Variants in TIMP2 observed in about 807,000 individuals in gnomAD.
The protein encoded by TIMP2 is TIMP metallopeptidase inhibitor 2, also known as metalloproteinase inhibitor 2.
In TIMP2, 5 loss-of-function variants were observed where a neutral mutation model predicts 24.3. That is an observed-to-expected ratio of 0.21 (90% CI 0.11 to 0.43). The LOEUF is 0.43. TIMP2 is among the 20% of genes least tolerant of loss of function. The probability of loss-of-function intolerance (pLI) is 1.00; values close to 1 mark genes in which losing one functional copy is unlikely to be tolerated. For missense variants in TIMP2, 221 were observed against 297.5 expected, an observed-to-expected ratio of 0.74 and a Z score of 1.89; for synonymous variants, 130 against 123.2, an observed-to-expected ratio of 1.06 and a Z score of -0.37.
intron 1 of TIMP2, among the ~76,000 whole-genome samples, chr17:78,890,393 G>C (rs1471962753): frequency 6.6e-6 from 1 of 152,082 alleles, no homozygotes; most frequent in Non-Finnish European, 1.5e-5. Context: ...GTAAAAACGG[G>C]GTTTCGCCAT....
At chr17:78,883,789 CCT>C (rs2069800020) in intron 1 of TIMP2, among the ~76,000 whole-genome samples, 1 of 152,156 alleles carries the variant, frequency 6.6e-6, no homozygotes, top group African/African-American at 2.4e-5. Context: ...GCAAAGCCGC[CCT>C]CTCTGCCCAG....
At chr17:78,880,884 C>T (rs2069773498) in intron 1 of TIMP2, among the ~76,000 whole-genome samples, 4 of 152,216 alleles carry the variant, frequency 2.6e-5, no homozygotes, top group South Asian at 4.1e-4. Flanking sequence ...AAGTTTGGGA[C>T]AGGCAAACCG....
chr17:78,863,987 G>A (rs939429992), intron 3 of TIMP2, among the ~76,000 whole-genome samples: 3 of 152,124 alleles, frequency 2.0e-5, no homozygotes, highest in Non-Finnish European at 2.9e-5. Flanking sequence ...AGGTGTCAGA[G>A]CACACATTCG....
intron 1 of TIMP2, among the ~76,000 whole-genome samples, chr17:78,877,444 G>A (rs35653378): frequency 0.17 from 25,466 of 152,004 alleles, 2,272 homozygotes; most frequent in East Asian, 0.28. Flanking sequence ...AGCCACTTGG[G>A]AGGCTGAGGC....
Position 78,853,245 on chromosome 17 carries a change from C to T in TIMP2, c.*2422G>A, listed in dbSNP as rs1421708189. 1.3e-5 allele frequency: 2 copies of T among 152,570 alleles called. No individual in the cohort carries two copies. Among genetic ancestry groups the T allele is most frequent in the Admixed American group, 6.5e-5 (1 of 15,272 alleles). The allele number at this position is 152,570 out of a possible 1,614,324, so 9.5% of individuals were successfully genotyped here. On this transcript the variant is annotated 3_prime_UTR_variant, in exon 5 of 5. Transcript: ENST00000262768. ...TTATCAAGCAAAGATTTGAAAATAA[C>T]TACAATGTAAACTTTATTTTAAATA...
intron 1 of TIMP2, among the ~76,000 whole-genome samples, chr17:78,895,717 T>C (rs8069961): frequency 0.097 from 14,700 of 151,906 alleles, 2,169 homozygotes; most frequent in African/African-American, 0.32. Flanking sequence ...CATGGAGGAG[T>C]TGGCCTCAGA....
At chr17:78,917,660 T>C (rs903122022) in intron 1 of TIMP2, among the ~76,000 whole-genome samples, 20 of 152,084 alleles carry the variant, frequency 1.3e-4, no homozygotes, top group African/African-American at 4.6e-4. Context: ...GCAGCTGCCG[T>C]CTACCAAGGA....
intron 1 of TIMP2, among the ~76,000 whole-genome samples, chr17:78,921,023 C>A (rs1056261081): frequency 2.0e-5 from 3 of 152,224 alleles, no homozygotes; most frequent in African/African-American, 7.2e-5. Flanking sequence ...ATACTTCGCA[C>A]AACGAGTTGC....
At position 78,896,818 on chromosome 17, in the gene TIMP2, T is replaced by C. The variant is rs2070008693; in HGVS notation, c.131-22899A>G. 1 of 608,890 alleles carries C rather than the reference T, an allele frequency of 1.6e-6. No individual in the cohort carries two copies. The highest frequency in any genetic ancestry group is 2.0e-5 in the African/African-American group (1 of 49,624). 37.7% of individuals were successfully genotyped at this position (608,890 alleles called of 1,614,324 possible). A position where few individuals can be genotyped will look rare whatever the true frequency, so the allele number is the denominator to read the frequency against. The stretch of plus-strand genomic sequence containing the variant: ...CACTGGGCCCATTCTCCTCTCTTGC[T>C]CTCTACAGCCCCGTGGCCCCAGCGC... On this transcript the variant is annotated intron_variant, in intron 1 of 4. Coordinates refer to ENST00000262768, the MANE Select transcript of TIMP2 (RefSeq NM_003255.5). The surrounding 1 kb of genome is among the most constrained non-coding windows in gnomAD (Gnocchi z 4.4).
intron 1 of TIMP2, among the ~76,000 whole-genome samples, chr17:78,877,382 C>T (rs1052884440): frequency 6.6e-6 from 1 of 152,070 alleles, no homozygotes; most frequent in African/African-American, 2.4e-5. Context: ...AGTTTGAGAC[C>T]AGCCTAGCCA....
chr17:78,880,687 C>A (rs8082515), intron 1 of TIMP2, among the ~76,000 whole-genome samples: 120,649 of 152,186 alleles, frequency 0.79, 48,192 homozygotes, highest in Admixed American at 0.83. Context: ...GTGAAAGAAC[C>A]AGACCCTGCC....
intron 1 of TIMP2, among the ~76,000 whole-genome samples, chr17:78,880,184 C>A (rs1165885469): frequency 6.6e-6 from 1 of 152,212 alleles, no homozygotes; most frequent in African/African-American, 2.4e-5. Context: ...GACGCCACGG[C>A]TTCTGTGGCA....
At chr17:78,908,226 T>C (rs557504245) in intron 1 of TIMP2, among the ~76,000 whole-genome samples, 48 of 152,324 alleles carry the variant, frequency 3.2e-4, no homozygotes, top group Admixed American at 2.8e-3. Context: ...TGCTACTGTA[T>C]ATATAGGTGT....
chr17:78,873,580 G>T (rs549907653), intron 2 of TIMP2, among the ~76,000 whole-genome samples: 1 of 152,266 alleles, frequency 6.6e-6, no homozygotes, highest in African/African-American at 2.4e-5. Flanking sequence ...GGTGTGAGCC[G>T]CAACGCCCGG....
At chr17:78,877,221 T>C (rs2069735184) in intron 1 of TIMP2, among the ~76,000 whole-genome samples, 1 of 152,240 alleles carries the variant, frequency 6.6e-6, no homozygotes, top group Non-Finnish European at 1.5e-5. Flanking sequence ...TTTATGCAAA[T>C]TAGTCAATGT....
intron 1 of TIMP2, among the ~76,000 whole-genome samples, chr17:78,884,127 G>C (rs957670849): frequency 6.6e-6 from 1 of 152,202 alleles, no homozygotes; most frequent in Non-Finnish European, 1.5e-5. Flanking sequence ...GAGCAGGACC[G>C]TGCAGGGCAG....
chr17:78,874,933 G>A (rs564129558), intron 1 of TIMP2, among the ~76,000 whole-genome samples: 4 of 152,194 alleles, frequency 2.6e-5, no homozygotes, highest in South Asian at 2.1e-4. Flanking sequence ...TAGAGAAAGC[G>A]TTTCGCCATG....
intron 1 of TIMP2, among the ~76,000 whole-genome samples, chr17:78,888,155 CTTT>C (rs5822277): frequency 7.1e-6 from 1 of 141,504 alleles, no homozygotes; most frequent in African/African-American, 2.6e-5. Context: ...CTTTTTGTTT[CTTT>C]TTTTTTTTTT....
intron 1 of TIMP2, among the ~76,000 whole-genome samples, chr17:78,910,899 A>C (rs1169107603): frequency 6.6e-6 from 1 of 152,196 alleles, no homozygotes; most frequent in East Asian, 1.9e-4. Context: ...TATCTTGGCT[A>C]TTGTGAACAG....
Sources: allele counts gnomAD v4.1 joint callset (sites outside exome capture counted in the v4.1 genomes callset), GRCh38; gene constraint gnomAD v4.1.1; non-coding constraint Gnocchi (gnomAD v3.1); transcripts MANE v1.5; gene names NCBI Gene and HGNC (gene_info 2026-07-23, HGNC 2026-07-21).